Variants in PRSS48 observed in about 807,000 individuals in gnomAD.
The protein encoded by PRSS48 is serine protease 48.
PRSS48 carries 21 observed loss-of-function variants against 25.6 expected under a neutral mutation model. That is an observed-to-expected ratio of 0.82 (90% CI 0.58 to 1.18). PRSS48 has a LOEUF of 1.18. Among genes scored for constraint, PRSS48 ranks in the 50% most tolerant of loss-of-function variants. PRSS48 has a pLI of 0.00. For synonymous variants in PRSS48, 150 were observed against 149.3 expected, an observed-to-expected ratio of 1.00 and a Z score of -0.04; for missense variants, 373 against 399.3, an observed-to-expected ratio of 0.93 and a Z score of 0.56.
intron 2 of PRSS48, 95 bp downstream of exon 2, chr4:151,280,053 A>ACCCAGG: frequency 1.4e-6 from 2 of 1,402,188 alleles, no homozygotes; most frequent in East Asian, 2.3e-5. Flanking sequence ...AAGTGGTAAA[A>ACCCAGG]TAGGCAGGGC....
At position 151,291,239 on chromosome 4, in the gene PRSS48, ACCAAAAATGGATT is replaced by A. The variant is rs1775309182; in HGVS notation, c.774_786del (p.Tyr258Ter). On this transcript the variant is annotated frameshift_variant, in exon 5 of 5. Coordinates refer to ENST00000455694, the Ensembl canonical transcript of PRSS48. LOFTEE classifies it low-confidence loss of function (END_TRUNC). Reference sequence around the variant, plus strand: ...GGAGTCTACACCAATGTAATCTACTACCAAAAATGGATTAATGCCACTATTTCAAGAGCCAACA... The same window carrying A: ...GGAGTCTACACCAATGTAATCTACTAAATGCCACTATTTCAAGAGCCAACA... The A allele has an allele frequency of 6.2e-7, 1 of 1,613,792 alleles. No individual in the cohort carries two copies. Among genetic ancestry groups the A allele is most frequent in the African/African-American group, 1.3e-5 (1 of 74,920 alleles).
At position 151,279,786 on chromosome 4, in the gene PRSS48, C is replaced by A; in HGVS notation, c.53-10C>A. On this transcript the variant is annotated splice_polypyrimidine_tract_variant and intron_variant, in intron 1 of 4. Coordinates refer to ENST00000455694, the Ensembl canonical transcript of PRSS48. The stretch of plus-strand genomic sequence containing the variant: ...AGGTTTCCACATTTCCCTTTCTTCT[C>A]TTTCTCTAGTGTGTGGGCAACCTGT... 6.2e-7 allele frequency: 1 copy of A among 1,613,262 alleles called. No homozygotes were observed. The highest frequency in any genetic ancestry group is 8.5e-7 in the Non-Finnish European group (1 of 1,179,518).
intron 4 of PRSS48, among the ~76,000 whole-genome samples, chr4:151,289,492 A>G (rs1054769595): frequency 6.6e-6 from 1 of 152,246 alleles, no homozygotes; most frequent in Non-Finnish European, 1.5e-5. Context: ...AGGGATCTGT[A>G]TCTAGAAAAA....
At position 151,283,333 on chromosome 4, in the gene PRSS48, T is replaced by C. The variant is rs374983498; in HGVS notation, c.651+47T>C. The C allele has an allele frequency of 5.1e-6, 8 of 1,572,650 alleles. No homozygotes were observed. The South Asian group carries it at 5.6e-5, about 11-fold the overall frequency. ...TTTTTTTTTAAACATGAGATCTTAATTTGGATCCAGGTTTTCCTATCTGTA... is the reference window on the plus strand; with the variant it reads ...TTTTTTTTTAAACATGAGATCTTAACTTGGATCCAGGTTTTCCTATCTGTA... On this transcript the variant is annotated intron_variant, in intron 4 of 4. Coordinates refer to ENST00000455694, the Ensembl canonical transcript of PRSS48.
At chr4:151,283,062 T>C in intron 3 of PRSS48, 55 bp from the exon 4 acceptor site, 1 of 1,546,134 alleles carries the variant, frequency 6.5e-7, no homozygotes. Context: ...GACTGAATGC[T>C]GCCCCTGCAC....
At chr4:151,289,107 A>T (rs1243659545) in intron 4 of PRSS48, among the ~76,000 whole-genome samples, 1 of 152,246 alleles carries the variant, frequency 6.6e-6, no homozygotes, top group East Asian at 1.9e-4. Flanking sequence ...TTATTTTTAA[A>T]CATTGGTATT....
chr4:151,280,085 C>G (rs899423254), intron 2 of PRSS48, 127 bp downstream of exon 2: 3 of 1,155,544 alleles, frequency 2.6e-6, no homozygotes, highest in Non-Finnish European at 3.7e-6. Context: ...CAGGTCATGT[C>G]AGACTATCAA....
chr4:151,282,186 C>T lies in PRSS48; in HGVS notation c.254C>T (p.Ser85Leu), dbSNP rs372652981. The change falls in exon 3 of 5, where the codon TCG becomes TTG. Residue 85 changes from serine (S) to leucine (L), a missense_variant. Transcript: ENST00000455694. The stretch of plus-strand genomic sequence containing the variant: ...TTTTCATATACTGTGTGGCTAGGAT[C>T]GATTACAGTAGGTGACTCAAGGAAA... 5.0e-5 allele frequency: 81 copies of T among 1,613,714 alleles called. No homozygotes were observed. Among genetic ancestry groups the T allele is most frequent in the East Asian group, 1.3e-4 (6 of 44,886 alleles).
At chr4:151,289,053 A>G (rs1363228631) in intron 4 of PRSS48, among the ~76,000 whole-genome samples, 1 of 152,248 alleles carries the variant, frequency 6.6e-6, no homozygotes, top group Admixed American at 6.5e-5. Flanking sequence ...GATCAATGAA[A>G]TAGGATTGAG....
exon 1 of PRSS48, chr4:151,277,186 G>A (rs1773710414): frequency 2.0e-6 from 3 of 1,496,084 alleles, no homozygotes; most frequent in Middle Eastern, 1.8e-4. Flanking sequence ...GGCCCTGCTG[G>A]CTGTGCCTTC....
chr4:151,283,600 C>G (rs186154257), intron 4 of PRSS48, among the ~76,000 whole-genome samples: 1 of 150,926 alleles, frequency 6.6e-6, no homozygotes, highest in African/African-American at 2.4e-5. Context: ...TTACTACAGC[C>G]TCCAGCTCCT....
intron 3 of PRSS48, among the ~76,000 whole-genome samples, 164 bp downstream of exon 3, chr4:151,282,577 T>C (rs1482725742): frequency 6.6e-6 from 1 of 152,200 alleles, no homozygotes; most frequent in Non-Finnish European, 1.5e-5. Context: ...TTTTTTGACA[T>C]TTATATTTTT....
chr4:151,279,890 C>T, exon 2 of PRSS48: 1 of 1,613,832 alleles, frequency 6.2e-7, no homozygotes, highest in Non-Finnish European at 8.5e-7. Flanking sequence ...ACTTTGACCA[C>T]AACTTTATCT....
At chr4:151,281,504 A>AAG (rs1774233346) in intron 2 of PRSS48, among the ~76,000 whole-genome samples, 1 of 152,124 alleles carries the variant, frequency 6.6e-6, no homozygotes, top group South Asian at 2.1e-4. Context: ...CTCAATCCTC[A>AAG]CCTTCCACAC....
Position 151,288,673 on chromosome 4 carries a change from T to TA in PRSS48, c.652-2435dup, listed in dbSNP as rs1213667786. Among the ~76,000 whole-genome samples, 426 of 146,450 alleles carry TA rather than the reference T, an allele frequency of 2.9e-3. 4 individuals are homozygous for TA. Among genetic ancestry groups the TA allele is most frequent in the African/African-American group, 8.7e-3 (348 of 40,010 alleles). Reference sequence around the variant, plus strand: ...GGGGCAACGAAGCGAGACTCTGTCTTAAAAAAAAAAGAAAAAAGAAAAAAG... The same window carrying TA: ...GGGGCAACGAAGCGAGACTCTGTCTTAAAAAAAAAAAGAAAAAAGAAAAAAG... On this transcript the variant is annotated intron_variant, in intron 4 of 4. Coordinates refer to ENST00000455694, the Ensembl canonical transcript of PRSS48.
At chr4:151,279,350 TA>T (rs960311077) in intron 1 of PRSS48, among the ~76,000 whole-genome samples, 73 of 151,150 alleles carry the variant, frequency 4.8e-4, no homozygotes, top group Non-Finnish European at 8.9e-4. Context: ...ATCCCTGGTT[TA>T]AAAAAAAAAT....
chr4:151,291,298 T>C, exon 5 of PRSS48: 1 of 1,614,024 alleles, frequency 6.2e-7, no homozygotes, highest in Non-Finnish European at 8.5e-7. Flanking sequence ...CTCTGACTTC[T>C]TGTTCCCTAT....
At chr4:151,285,561 A>G (rs1284947055) in intron 4 of PRSS48, among the ~76,000 whole-genome samples, 2 of 152,222 alleles carry the variant, frequency 1.3e-5, no homozygotes, top group Admixed American at 1.3e-4. Context: ...AAGCAGCTAA[A>G]GCAGTGCTTA....
intron 1 of PRSS48, 111 bp downstream of exon 1, chr4:151,277,335 C>A: frequency 1.2e-6 from 1 of 827,750 alleles, no homozygotes; most frequent in Non-Finnish European, 1.7e-6. Context: ...ATGAGTAGCA[C>A]AGCCTGAGAA....
Sources: allele counts gnomAD v4.1 joint callset (sites outside exome capture counted in the v4.1 genomes callset), GRCh38; gene constraint gnomAD v4.1.1; transcripts MANE v1.5; gene names NCBI Gene and HGNC (gene_info 2026-07-23, HGNC 2026-07-21).